The following TBC1D1 variants were observed in gnomAD, a reference collection of about 807,000 sequenced individuals.
TBC1D1 encodes TBC1 (tre-2/USP6, BUB2, cdc16) domain family, member 1.
In TBC1D1, 89 loss-of-function variants were observed where a neutral mutation model predicts 125.6. The ratio of observed to expected loss-of-function variants is 0.71; its 90% confidence interval spans 0.60 to 0.85. The LOEUF (loss-of-function observed/expected upper bound fraction) is 0.85. TBC1D1 is among the 40% of genes least tolerant of loss of function. TBC1D1 has a pLI of 0.00. For synonymous variants in TBC1D1, 565 were observed against 564.1 expected, an observed-to-expected ratio of 1.00 and a Z score of -0.02; for missense variants, 1,377 against 1,469.2, an observed-to-expected ratio of 0.94 and a Z score of 1.03.
In TBC1D1 at chr4:38,015,656, C is replaced by T. The variant is rs149130572; in HGVS notation, c.882+683C>T. Among the ~76,000 whole-genome samples the T allele has an allele frequency of 5.9e-5, 9 of 152,254 alleles. No homozygotes were observed. The East Asian group carries it at 1.2e-3, about 20-fold the overall frequency. On this transcript the variant is annotated intron_variant, in intron 3 of 19. Transcript: ENST00000261439. ...ATGTGGAGCTGTCCCGGCAGCGAGCCGGTCTCTGACAATGGAAGAGCTAGT... is the reference window on the plus strand; with the variant it reads ...ATGTGGAGCTGTCCCGGCAGCGAGCTGGTCTCTGACAATGGAAGAGCTAGT...
At chr4:38,032,865 A>T (rs1207675701) in intron 7 of TBC1D1, among the ~76,000 whole-genome samples, 2 of 151,930 alleles carry the variant, frequency 1.3e-5, no homozygotes, top group Non-Finnish European at 2.9e-5. Context: ...AAAGAAAGAA[A>T]GAATTAATGA....
chr4:37,952,118 G>A (rs1728002516), intron 2 of TBC1D1: 1 of 715,904 alleles, frequency 1.4e-6, no homozygotes, highest in Admixed American at 2.0e-5. Flanking sequence ...GAAGCTTGCT[G>A]CAAGGCCTGC....
intron 2 of TBC1D1, among the ~76,000 whole-genome samples, chr4:37,933,007 A>C (rs1182377490): frequency 6.6e-6 from 1 of 151,750 alleles, no homozygotes; most frequent in Non-Finnish European, 1.5e-5. Context: ...CAATGAGCTG[A>C]GATTGTGCCA....
At chr4:38,071,819 G>T (rs545260770) in intron 12 of TBC1D1, among the ~76,000 whole-genome samples, 1 of 152,312 alleles carries the variant, frequency 6.6e-6, no homozygotes, top group Admixed American at 6.5e-5. Flanking sequence ...ATTATTTGGA[G>T]CCTTTTATGT....
At chr4:37,931,611 G>A (rs1404851502) in intron 2 of TBC1D1, among the ~76,000 whole-genome samples, 1 of 151,890 alleles carries the variant, frequency 6.6e-6, no homozygotes, top group Non-Finnish European at 1.5e-5. Flanking sequence ...CTGAGTAGCT[G>A]GGATTACAGG....
At chr4:37,942,221 T>C (rs1338167485) in intron 2 of TBC1D1, among the ~76,000 whole-genome samples, 2 of 152,238 alleles carry the variant, frequency 1.3e-5, no homozygotes, top group Non-Finnish European at 2.9e-5. Context: ...ATTGGCTGCA[T>C]ATATATTTAG....
chr4:38,002,012 CTG>C (rs1280129267), intron 2 of TBC1D1, among the ~76,000 whole-genome samples: 1 of 152,186 alleles, frequency 6.6e-6, no homozygotes, highest in African/African-American at 2.4e-5. Flanking sequence ...CTTCACCAGG[CTG>C]TGAGAGGGGT....
At chr4:38,087,845 CAAAAAAAAAAAAAAAAAGA>C (rs1295802306) in intron 12 of TBC1D1, among the ~76,000 whole-genome samples, 8 of 67,878 alleles carry the variant, frequency 1.2e-4, no homozygotes, top group African/African-American at 4.2e-4. Context: ...GATTCCGTCT[CAAAAAAAAAAAAAAAAAGA>C]AAAAAAAAAA....
chr4:37,924,161 T>C (rs951398071), intron 2 of TBC1D1, among the ~76,000 whole-genome samples: 2 of 150,100 alleles, frequency 1.3e-5, no homozygotes, highest in Admixed American at 1.3e-4. Context: ...CTCTAACTGG[T>C]GTCACTGCCA....
chr4:37,971,292 G>A (rs928186871), intron 2 of TBC1D1, among the ~76,000 whole-genome samples: 1 of 152,112 alleles, frequency 6.6e-6, no homozygotes, highest in African/African-American at 2.4e-5. Context: ...CCTAAGACTG[G>A]GTAATTATAA....
chr4:38,030,821 G>A lies in TBC1D1; in HGVS notation c.1302+2942G>A, dbSNP rs767571454. ...TAATTACCGTTGAAATTAATGGTAC[G>A]TGATTACTTAGTTATTAAAACATAC... On this transcript the variant is annotated intron_variant, in intron 7 of 19. Coordinates refer to ENST00000261439, the MANE Select transcript of TBC1D1 (RefSeq NM_015173.4). 2.6e-5 allele frequency among the ~76,000 whole-genome samples: 4 copies of A among 152,144 alleles called. No individual in the cohort carries two copies. In the South Asian group the frequency reaches 8.3e-4, roughly 31 times the overall value.
chr4:38,132,182 AG>A, intron 18 of TBC1D1, among the ~76,000 whole-genome samples: 1 of 146,328 alleles, frequency 6.8e-6, no homozygotes, highest in Non-Finnish European at 1.5e-5. Context: ...CTGATCTAGC[AG>A]GGTTTTTTTT....
In TBC1D1 at chr4:37,905,526, C is replaced by T. The variant is rs574145017; in HGVS notation, c.417+3014C>T. Among the ~76,000 whole-genome samples, 27 of 152,282 alleles carry T rather than the reference C, an allele frequency of 1.8e-4. No homozygotes were observed. In the South Asian group the frequency reaches 5.6e-3, roughly 32 times the overall value. On this transcript the variant is annotated intron_variant, in intron 2 of 19. Transcript: ENST00000261439. ...CCATGGAAACTCTTGCAAAATTGCT[C>T]CTGTTTGATGAGAGGAATGAGCAGG...
rs553227650 is a variant in TBC1D1, at chr4:37,920,934, C to T, written c.417+18422C>T. ...GACCATCCTGGCTAACACGGTGAAA[C>T]CCTGTCTCTACTAAAAATACAAAAA... On this transcript the variant is annotated intron_variant, in intron 2 of 19. Coordinates refer to ENST00000261439, the MANE Select transcript of TBC1D1 (RefSeq NM_015173.4). 3.3e-5 allele frequency among the ~76,000 whole-genome samples: 5 copies of T among 152,020 alleles called. No individual in the cohort carries two copies. The East Asian group carries it at 7.8e-4, about 24-fold the overall frequency.
chr4:37,974,157 C>T (rs1364715984), intron 2 of TBC1D1, among the ~76,000 whole-genome samples: 1 of 152,204 alleles, frequency 6.6e-6, no homozygotes, highest in Non-Finnish European at 1.5e-5. Flanking sequence ...GGGAATATCA[C>T]TGCTTAAAAG....
rs144311542 is a variant in TBC1D1 at position 37,928,604 on chromosome 4, A to G, written c.417+26092A>G. On this transcript the variant is annotated intron_variant, in intron 2 of 19. Transcript: ENST00000261439. ...CCGCTGTAGCGCAGCCAGCCCTTGC[A>G]GTGGGTATACTTTTGAAAATCTGGA... is the stretch of plus-strand genomic sequence containing the variant. 1.1e-4 allele frequency among the ~76,000 whole-genome samples: 16 copies of G among 152,324 alleles called. No individual in the cohort carries two copies. In the East Asian group the frequency reaches 2.9e-3, roughly 28 times the overall value.
chr4:38,086,441 G>C (rs1469972088), intron 12 of TBC1D1, among the ~76,000 whole-genome samples: 1 of 152,210 alleles, frequency 6.6e-6, no homozygotes, highest in Non-Finnish European at 1.5e-5. Flanking sequence ...AATGTCAGTA[G>C]TGCTGAGGTT....
At chr4:37,939,477 G>C (rs992523182) in intron 2 of TBC1D1, among the ~76,000 whole-genome samples, 1 of 152,166 alleles carries the variant, frequency 6.6e-6, no homozygotes, top group African/African-American at 2.4e-5. Flanking sequence ...TAGGTTGCCT[G>C]TTTACTCTGA....
chr4:37,892,356 T>C (rs1713525241), intron 1 of TBC1D1, among the ~76,000 whole-genome samples: 1 of 151,970 alleles, frequency 6.6e-6, no homozygotes, highest in Non-Finnish European at 1.5e-5. Context: ...TTCGAGGCCA[T>C]AGTGAGCTAT....
Sources: gnomAD v4.1 joint callset for allele counts (sites outside exome capture counted in the v4.1 genomes callset) on GRCh38, gnomAD v4.1.1 for gene constraint, MANE v1.5 for transcripts, NCBI Gene and HGNC (gene_info 2026-07-23, HGNC 2026-07-21) for gene names.